The following KYAT1 variants were observed in gnomAD, a reference collection of about 807,000 sequenced individuals.
The protein encoded by KYAT1 is kynurenine aminotransferase 1.
KYAT1 carries 47 observed loss-of-function variants against 52.4 expected under a neutral mutation model. The ratio of observed to expected loss-of-function variants is 0.90; its 90% confidence interval spans 0.71 to 1.14. The LOEUF (loss-of-function observed/expected upper bound fraction) is 1.14. Among genes scored for constraint, KYAT1 ranks in the 50% most tolerant of loss-of-function variants. The probability of loss-of-function intolerance (pLI) is 0.00; values close to 1 mark genes in which losing one functional copy is unlikely to be tolerated. For synonymous variants in KYAT1, 212 were observed against 209.6 expected (o/e 1.01, Z -0.10); for missense variants, 480 against 557.9 (o/e 0.86, Z 1.41).
chr9:128,851,875 A>G (rs1206344421), intron 1 of KYAT1, among the ~76,000 whole-genome samples: 2 of 152,122 alleles, frequency 1.3e-5, no homozygotes, highest in Non-Finnish European at 2.9e-5. Flanking sequence ...AAAAGTCCAG[A>G]ATCATTGGGG....
chr9:128,856,264 C>A (rs746594425), intron 1 of KYAT1, among the ~76,000 whole-genome samples: 2 of 152,200 alleles, frequency 1.3e-5, no homozygotes, highest in African/African-American at 4.8e-5. Flanking sequence ...GATGGCCTCA[C>A]AAATCTTAAC....
At chr9:128,838,497 C>T in intron 3 of KYAT1, 130 bp from the exon 4 acceptor site, 1 of 963,902 alleles carries the variant, frequency 1.0e-6, no homozygotes, top group Non-Finnish European at 1.6e-6. Flanking sequence ...TAGCCTGGGC[C>T]CCAGGGGACG....
intron 3 of KYAT1, chr9:128,842,116 TG>T: frequency 2.7e-6 from 1 of 363,666 alleles, no homozygotes; most frequent in Non-Finnish European, 5.7e-6. Context: ...CACTTGAGAC[TG>T]GCAGGGTCAA....
At position 128,874,221 on chromosome 9, in the gene KYAT1, G is replaced by A. The variant is rs1296875492; in HGVS notation, c.-7+7676C>T. On this transcript the variant is annotated intron_variant, in intron 1 of 12. Transcript: ENST00000302586. ...CAGTGAGCCGAGATCACGCCACTGC[G>A]CTCCAGCCTGGGCAACAAAAATGAA... Among the ~76,000 whole-genome samples the A allele has an allele frequency of 6.6e-5, 10 of 150,468 alleles. No homozygotes were observed. The East Asian group carries it at 9.8e-4, about 15-fold the overall frequency.
chr9:128,869,457 G>T (rs1331045834), intron 1 of KYAT1, among the ~76,000 whole-genome samples: 1 of 152,144 alleles, frequency 6.6e-6, no homozygotes, highest in African/African-American at 2.4e-5. Flanking sequence ...CACCGTACCC[G>T]GCACCAAGCC....
chr9:128,867,472 C>A (rs1836564598), intron 1 of KYAT1, among the ~76,000 whole-genome samples: 1 of 152,142 alleles, frequency 6.6e-6, no homozygotes, highest in South Asian at 2.1e-4. Context: ...AGCCAGTGCA[C>A]CCAGCCCTAA....
At chr9:128,850,076 G>A (rs1028649096) in intron 1 of KYAT1, among the ~76,000 whole-genome samples, 3 of 151,264 alleles carry the variant, frequency 2.0e-5, no homozygotes, top group Non-Finnish European at 4.4e-5. Context: ...TTAGAGATGG[G>A]GTTTTGCTAT....
chr9:128,871,743 A>G (rs946112461), intron 1 of KYAT1, among the ~76,000 whole-genome samples: 10 of 152,154 alleles, frequency 6.6e-5, no homozygotes, highest in Non-Finnish European at 1.2e-4. Context: ...GTGGAGATAC[A>G]TATGTGAGGA....
intron 1 of KYAT1, among the ~76,000 whole-genome samples, chr9:128,854,812 G>A (rs905133794): frequency 2.0e-5 from 3 of 151,920 alleles, no homozygotes; most frequent in Admixed American, 1.3e-4. Context: ...AGATGACCGC[G>A]GCCCTGCCCA....
At chr9:128,858,719 T>C (rs974283946) in intron 1 of KYAT1, among the ~76,000 whole-genome samples, 2 of 149,276 alleles carry the variant, frequency 1.3e-5, no homozygotes, top group African/African-American at 5.0e-5. Flanking sequence ...AGAAAAAGAA[T>C]GTTTTAGGCC....
intron 1 of KYAT1, among the ~76,000 whole-genome samples, chr9:128,862,511 C>T (rs1835598155): frequency 6.6e-6 from 1 of 152,250 alleles, no homozygotes; most frequent in South Asian, 2.1e-4. Context: ...GGTGCCAGCA[C>T]AGGGCAGAAA....
chr9:128,874,154 G>T (rs1014013151), intron 1 of KYAT1, among the ~76,000 whole-genome samples: 4 of 151,458 alleles, frequency 2.6e-5, no homozygotes, highest in Non-Finnish European at 5.9e-5. Flanking sequence ...TACTCAGGAG[G>T]CTGAGACGGG....
chr9:128,878,592 A>G (rs774106138), intron 1 of KYAT1, among the ~76,000 whole-genome samples: 1 of 152,220 alleles, frequency 6.6e-6, no homozygotes, highest in Non-Finnish European at 1.5e-5. Flanking sequence ...TGTTGAGCCA[A>G]TGTTTTCCTG....
chr9:128,841,942 G>GTA (rs1333483450), intron 3 of KYAT1: 1 of 153,624 alleles, frequency 6.5e-6, no homozygotes, highest in Non-Finnish European at 1.4e-5. Context: ...GCCCCATGAG[G>GTA]TACAGGCTGC....
intron 1 of KYAT1, among the ~76,000 whole-genome samples, chr9:128,881,469 T>C (rs559658559): frequency 6.6e-6 from 1 of 152,336 alleles, no homozygotes; most frequent in South Asian, 2.1e-4. Flanking sequence ...TTGTTCGTCT[T>C]AATGGCTGCA....
chr9:128,845,589 G>T, intron 1 of KYAT1, 178 bp from the exon 2 acceptor site: 1 of 612,224 alleles, frequency 1.6e-6, no homozygotes, highest in Non-Finnish European at 2.9e-6. Context: ...AGCCTGTTAT[G>T]CTCCAACACC....
chr9:128,849,826 GA>G (rs1833692420), intron 1 of KYAT1, among the ~76,000 whole-genome samples: 1 of 124,562 alleles, frequency 8.0e-6, no homozygotes. Flanking sequence ...GAAAAGAAAA[GA>G]ATGAATTTGG....
chr9:128,874,886 G>A (rs1391094618), intron 1 of KYAT1, among the ~76,000 whole-genome samples: 1 of 151,758 alleles, frequency 6.6e-6, no homozygotes, highest in Non-Finnish European at 1.5e-5. Flanking sequence ...CACCATGCCC[G>A]ACTTATTTTT....
chr9:128,860,957 A>G (rs1835386436), intron 1 of KYAT1, among the ~76,000 whole-genome samples: 1 of 152,186 alleles, frequency 6.6e-6, no homozygotes, highest in Admixed American at 6.6e-5. Context: ...CTGATCACAG[A>G]TCACCGTGTC....
Sources: gnomAD v4.1 joint callset for allele counts (sites outside exome capture counted in the v4.1 genomes callset) on GRCh38, gnomAD v4.1.1 for gene constraint, MANE v1.5 for transcripts, NCBI Gene and HGNC (gene_info 2026-07-23, HGNC 2026-07-21) for gene names.